The following ZNF429 variants were observed in gnomAD, a reference collection of about 807,000 sequenced individuals.
ZNF429 encodes zinc finger protein 429.
Under a neutral mutation model 56.8 loss-of-function variants are expected in ZNF429, and 53 were observed. The observed-to-expected ratio is 0.93, with a 90% CI of 0.75 to 1.17. The LOEUF is 1.17. Among genes scored for constraint, ZNF429 ranks in the 50% most tolerant of loss-of-function variants. The probability of loss-of-function intolerance (pLI) is 0.00; values close to 1 mark genes in which losing one functional copy is unlikely to be tolerated. For synonymous variants in ZNF429, 278 were observed against 264.7 expected, an observed-to-expected ratio of 1.05 and a Z score of -0.49; for missense variants, 849 against 788.4, an observed-to-expected ratio of 1.08 and a Z score of -0.92.
Position 21,506,459 on chromosome 19 carries a change from A to G in ZNF429, c.3+685A>G, listed in dbSNP as rs914313192. Reference sequence around the variant, plus strand: ...TATCTCAAACAAAAAAAAAAAAAAAAAAGGGGAGTCACTGCAAAATATTAA... The same window carrying G: ...TATCTCAAACAAAAAAAAAAAAAAAGAAGGGGAGTCACTGCAAAATATTAA... On this transcript the variant is annotated intron_variant, in intron 1 of 3. Coordinates refer to ENST00000358491, the MANE Select transcript of ZNF429 (RefSeq NM_001001415.4). Among the ~76,000 whole-genome samples, 64 of 105,582 alleles carry G rather than the reference A, an allele frequency of 6.1e-4. 2 individuals are homozygous for G. Among genetic ancestry groups the G allele is most frequent in the Non-Finnish European group, 7.4e-4 (33 of 44,826 alleles). The allele number at this position is 105,582 out of a possible 152,430, so 69.3% of individuals were successfully genotyped here.
At chr19:21,523,909 A>G (rs943250405) in intron 1 of ZNF429, among the ~76,000 whole-genome samples, 1 of 152,206 alleles carries the variant, frequency 6.6e-6, no homozygotes, top group Non-Finnish European at 1.5e-5. Flanking sequence ...AGCCAGGTTG[A>G]TCCCATCTAG....
chr19:21,509,253 C>G (rs61115928), intron 1 of ZNF429, among the ~76,000 whole-genome samples: 3,707 of 152,210 alleles, frequency 0.024, 137 homozygotes, highest in African/African-American at 0.084. Context: ...GCAATCTGCC[C>G]CTCCTAAAGT....
chr19:21,530,732 G>C, intron 3 of ZNF429, 48 bp downstream of exon 3: 1 of 1,379,760 alleles, frequency 7.2e-7, no homozygotes. Flanking sequence ...AGGTCCCAAG[G>C]CCAATAAGAA....
At chr19:21,520,831 T>C (rs986720429) in intron 1 of ZNF429, among the ~76,000 whole-genome samples, 2 of 152,332 alleles carry the variant, frequency 1.3e-5, no homozygotes, top group African/African-American at 4.8e-5. Flanking sequence ...TATTTATTAC[T>C]TCAGAACAAT....
chr19:21,536,130 ATAT>A lies in ZNF429; in HGVS notation c.227-148_227-146del. 1.8e-5 allele frequency: 3 copies of A among 169,186 alleles called. 1 individual carries two copies. Among genetic ancestry groups the A allele is most frequent in the South Asian group, 3.3e-4 (2 of 6,066 alleles). 10.5% of individuals were successfully genotyped at this position (169,186 alleles called of 1,614,324 possible). On this transcript the variant is annotated intron_variant, in intron 3 of 3. Transcript: ENST00000358491. Reference sequence around the variant, plus strand: ...ATATTTTGGTTAGTATGTCTTTGTTATATTTATATGTTTATGAAGAAATTAGAA... The same window carrying A: ...ATATTTTGGTTAGTATGTCTTTGTTATTATATGTTTATGAAGAAATTAGAA...
chr19:21,538,054 A>G lies in ZNF429; in HGVS notation c.2001A>G (p.Ser667=). The change falls in exon 4 of 4, where the codon TCA becomes TCG. Residue 667 remains serine, a synonymous_variant. Coordinates refer to ENST00000358491, the MANE Select transcript of ZNF429 (RefSeq NM_001001415.4). ...LGGRGGRITR[S]GDRDRPG is the part of the protein sequence containing the mutation. ...GCAGAGGTGGGCGGATCACGAGGTC[A>G]GGAGATCGAGACCGTCCTGGCTAAC... 1.4e-6 allele frequency: 2 copies of G among 1,443,270 alleles called. No homozygotes were observed. The highest frequency in any genetic ancestry group is 1.9e-6 in the Non-Finnish European group (2 of 1,031,092). 89.4% of individuals were successfully genotyped at this position (1,443,270 alleles called of 1,614,324 possible).
chr19:21,506,767 G>GTTTTTTTTTT (rs60650857), intron 1 of ZNF429, among the ~76,000 whole-genome samples: 7 of 111,782 alleles, frequency 6.3e-5, no homozygotes, highest in Non-Finnish European at 1.1e-4. Flanking sequence ...TTAGTTTTTT[G>GTTTTTTTTTT]TTTTTTTTTT....
In ZNF429 at chr19:21,535,483, TCTTTCTTTCTTTCTTC is replaced by T; in HGVS notation, c.227-796_227-781del. Among the ~76,000 whole-genome samples the T allele has an allele frequency of 1.6e-3, 199 of 126,666 alleles. 11 individuals carry two copies. The highest frequency in any genetic ancestry group is 5.9e-3 in the African/African-American group (185 of 31,362). The allele number at this position is 126,666 out of a possible 152,430, so 83.1% of individuals were successfully genotyped here. A position where few individuals can be genotyped will look rare whatever the true frequency, so the allele number is the denominator to read the frequency against. On this transcript the variant is annotated intron_variant, in intron 3 of 3. Coordinates refer to ENST00000358491, the MANE Select transcript of ZNF429 (RefSeq NM_001001415.4). ...TTCTTTCTTTCTTTCTTTCTTTCTT[TCTTTCTTTCTTTCTTC>T]TTTCTTTCTTTCTTTCCTTCTTTTT... is the stretch of plus-strand genomic sequence containing the variant.
At chr19:21,530,256 T>C in intron 2 of ZNF429, among the ~76,000 whole-genome samples, 1 of 152,096 alleles carries the variant, frequency 6.6e-6, no homozygotes, top group Non-Finnish European at 1.5e-5. Context: ...AGATGTTTTG[T>C]CTTCACCTGA....
chr19:21,506,737 C>CA (rs958623093), intron 1 of ZNF429, among the ~76,000 whole-genome samples: 1,695 of 83,696 alleles, frequency 0.02, 9 homozygotes, highest in Middle Eastern at 0.096. Flanking sequence ...TAGTAATTTA[C>CA]AAAAAAAAAA....
At chr19:21,532,256 T>C in intron 3 of ZNF429, among the ~76,000 whole-genome samples, 2 of 147,310 alleles carry the variant, frequency 1.4e-5, no homozygotes, top group Non-Finnish European at 3.0e-5. Flanking sequence ...GTTTTTTTTT[T>C]CACAGAAATG....
intron 1 of ZNF429, 66 bp downstream of exon 1, chr19:21,505,840 C>G: frequency 6.4e-7 from 1 of 1,574,122 alleles, no homozygotes; most frequent in African/African-American, 1.4e-5. Context: ...GAGAAGTGGC[C>G]GTGGCGGACT....
rs1187498595 is a variant in ZNF429, at chr19:21,537,472, A to T, written c.1419A>T (p.Arg473Ser). The change falls in exon 4 of 4, where the codon AGA (arginine) becomes AGT (serine). Residue 473 changes from arginine to serine, a missense_variant. Transcript: ENST00000358491. ...NRSSHLTSHRRIHTGEKPYKC... is the reference protein window; with the variant it reads ...NRSSHLTSHRSIHTGEKPYKC... The stretch of plus-strand genomic sequence containing the variant: ...CCTCACACCTTACTAGCCATAGGAG[A>T]ATTCATACTGGAGAGAAACCCTACA... 1 of 1,614,022 alleles carries T rather than the reference A, an allele frequency of 6.2e-7. No individual in the cohort carries two copies. The highest frequency in any genetic ancestry group is 1.7e-5 in the Admixed American group (1 of 60,020).
chr19:21,535,420 CT>C lies in ZNF429; in HGVS notation c.227-857del. On this transcript the variant is annotated intron_variant, in intron 3 of 3. Transcript: ENST00000358491. ...TTCTTTCTTTCTTTTTCTTTTCTTT[CT>C]TTCTTTCTTTCTTTCTTTCTTTCTT... is the stretch of plus-strand genomic sequence containing the variant. 3.1e-3 allele frequency among the ~76,000 whole-genome samples: 20 copies of C among 6,360 alleles called. 5 individuals carry two copies. Among genetic ancestry groups the C allele is most frequent in the South Asian group, 0.013 (2 of 156 alleles). 4.2% of individuals were successfully genotyped at this position (6,360 alleles called of 152,430 possible).
intron 1 of ZNF429, among the ~76,000 whole-genome samples, chr19:21,528,591 G>T (rs1289271069): frequency 6.6e-6 from 1 of 152,042 alleles, no homozygotes; most frequent in Non-Finnish European, 1.5e-5. Context: ...TGTAATCCTA[G>T]CTACTGTGGA....
intron 1 of ZNF429, among the ~76,000 whole-genome samples, chr19:21,511,754 G>A (rs1397540828): frequency 6.6e-5 from 10 of 152,026 alleles, no homozygotes; most frequent in East Asian, 1.9e-4. Context: ...GTAGCGAGCC[G>A]AGATCACGCC....
At chr19:21,532,449 T>C in intron 3 of ZNF429, among the ~76,000 whole-genome samples, 1 of 152,136 alleles carries the variant, frequency 6.6e-6, no homozygotes, top group Non-Finnish European at 1.5e-5. Flanking sequence ...CAGAAACCAC[T>C]ACTCTCAAAC....
intron 1 of ZNF429, among the ~76,000 whole-genome samples, chr19:21,506,408 C>T (rs2032150067): frequency 6.9e-6 from 1 of 144,196 alleles, no homozygotes; most frequent in African/African-American, 2.6e-5. Flanking sequence ...TGCCATTGCA[C>T]TCCAGGCTGG....
chr19:21,531,121 A>AATAC lies in ZNF429; in HGVS notation c.226+438_226+439insTACA. On this transcript the variant is annotated intron_variant, in intron 3 of 3. Coordinates refer to ENST00000358491, the MANE Select transcript of ZNF429 (RefSeq NM_001001415.4). Reference sequence around the variant, plus strand: ...AACTCCATCTCAAAAAAAAAAAAAAAAAAAAAAACCAAAAAAAAAAAAACA... The same window carrying AATAC: ...AACTCCATCTCAAAAAAAAAAAAAAAATACAAAAAAAACCAAAAAAAAAAAAACA... 2.9e-5 allele frequency among the ~76,000 whole-genome samples: 3 copies of AATAC among 104,894 alleles called. No individual in the cohort carries two copies. The South Asian group carries it at 8.9e-4, about 31-fold the overall frequency. The allele number at this position is 104,894 out of a possible 152,430, so 68.8% of individuals were successfully genotyped here.
Sources: allele counts gnomAD v4.1 joint callset (sites outside exome capture counted in the v4.1 genomes callset), GRCh38; gene constraint gnomAD v4.1.1; transcripts MANE v1.5; gene names NCBI Gene and HGNC (gene_info 2026-07-23, HGNC 2026-07-21).